Variants in MAGI1 observed in about 807,000 individuals in gnomAD.
MAGI1 encodes the protein membrane associated guanylate kinase, WW and PDZ domain containing 1, also known as membrane-associated guanylate kinase, WW and PDZ domain-containing protein 1.
Under a neutral mutation model 139.9 loss-of-function variants are expected in MAGI1, and 58 were observed. The observed-to-expected ratio is 0.41, with a 90% CI of 0.34 to 0.52. MAGI1 has a LOEUF of 0.52. Among genes scored for constraint, MAGI1 ranks in the 20% least tolerant of loss-of-function variants. The pLI, the probability that MAGI1 is intolerant of heterozygous loss-of-function variation, is 0.12. For missense variants in MAGI1, 1,874 were observed against 1,901.6 expected, an observed-to-expected ratio of 0.99 and a Z score of 0.27; for synonymous variants, 812 against 737.9, an observed-to-expected ratio of 1.10 and a Z score of -1.63.
In MAGI1 at chr3:65,378,683, CT is replaced by C. The variant is rs10557893; in HGVS notation, c.2995+577del. Among the ~76,000 whole-genome samples the C allele has an allele frequency of 8.6e-3, 1,202 of 140,518 alleles. 6 individuals are homozygous for C. The highest frequency in any genetic ancestry group is 0.019 in the African/African-American group (752 of 38,794). 92.2% of individuals were successfully genotyped at this position (140,518 alleles called of 152,430 possible). A position where few individuals can be genotyped will look rare whatever the true frequency, so the allele number is the denominator to read the frequency against. ...AATTTCTTTTCTTTCCTTTCCTTTTCTTTTTTTTTTTTTTTTAAGACAGAGT... is the reference window on the plus strand; with the variant it reads ...AATTTCTTTTCTTTCCTTTCCTTTTCTTTTTTTTTTTTTTTAAGACAGAGT... On this transcript the variant is annotated intron_variant, in intron 17 of 22. Coordinates refer to ENST00000402939, the MANE Select transcript of MAGI1 (RefSeq NM_001033057.2).
chr3:65,384,940 G>C (rs1421271545), intron 14 of MAGI1, among the ~76,000 whole-genome samples: 1 of 151,988 alleles, frequency 6.6e-6, no homozygotes, highest in Non-Finnish European at 1.5e-5. Flanking sequence ...ATTTTATTAG[G>C]ATTTCAATAC....
intron 1 of MAGI1, among the ~76,000 whole-genome samples, chr3:65,888,931 C>T (rs1400882556): frequency 1.1e-4 from 16 of 151,906 alleles, no homozygotes; most frequent in Admixed American, 1.0e-3. Flanking sequence ...TATACAGATG[C>T]CATATATGTG....
chr3:65,935,407 G>A (rs904055019), intron 1 of MAGI1, among the ~76,000 whole-genome samples: 1 of 152,146 alleles, frequency 6.6e-6, no homozygotes, highest in Non-Finnish European at 1.5e-5. Context: ...GCCGAGGTGG[G>A]CAGGAGTTCA....
chr3:65,690,380 C>T (rs2088473497), intron 1 of MAGI1, among the ~76,000 whole-genome samples: 1 of 152,170 alleles, frequency 6.6e-6, no homozygotes, highest in Non-Finnish European at 1.5e-5. Flanking sequence ...CTTTCTGACA[C>T]TTTTAAAGAA....
chr3:65,833,380 A>C (rs1415407710), intron 1 of MAGI1, among the ~76,000 whole-genome samples: 2 of 152,028 alleles, frequency 1.3e-5, no homozygotes, highest in African/African-American at 4.8e-5. Flanking sequence ...CAGCCTCCCA[A>C]AGTGCTGGGA....
rs138938419 is a variant in MAGI1, at chr3:65,650,251, C to A, written c.314-28163G>T. 2.8e-3 allele frequency among the ~76,000 whole-genome samples: 420 copies of A among 152,282 alleles called. 2 individuals are homozygous for A. The highest frequency in any genetic ancestry group is 9.3e-3 in the African/African-American group (388 of 41,560). The stretch of plus-strand genomic sequence containing the variant: ...CTCTGGAACTATGATAAATAAAATT[C>A]TTGTCTTTATAAATTGCCTAGTCTG... On this transcript the variant is annotated intron_variant, in intron 1 of 22. Transcript: ENST00000402939.
chr3:65,977,769 T>C (rs1459942656), intron 1 of MAGI1, among the ~76,000 whole-genome samples: 1 of 151,804 alleles, frequency 6.6e-6, no homozygotes, highest in Non-Finnish European at 1.5e-5. Flanking sequence ...TGAAAGGCCC[T>C]ACAGGCCTCC....
At chr3:65,762,296 G>T (rs1284154136) in intron 1 of MAGI1, among the ~76,000 whole-genome samples, 1 of 152,126 alleles carries the variant, frequency 6.6e-6, no homozygotes, top group East Asian at 1.9e-4. Context: ...TTCCTTCTCA[G>T]ATTTTGAAAG....
At chr3:65,820,890 C>T (rs2041909859) in intron 1 of MAGI1, among the ~76,000 whole-genome samples, 1 of 152,130 alleles carries the variant, frequency 6.6e-6, no homozygotes. Context: ...CTTCTCCTGA[C>T]ACACCAACAA....
chr3:65,591,891 T>G (rs11713812), intron 2 of MAGI1, among the ~76,000 whole-genome samples: 9,210 of 152,244 alleles, frequency 0.06, 343 homozygotes, highest in East Asian at 0.12. Context: ...AGGTCGACCC[T>G]TGACACCTTG....
chr3:65,856,956 A>G (rs1056491703), intron 1 of MAGI1, among the ~76,000 whole-genome samples: 3 of 152,232 alleles, frequency 2.0e-5, no homozygotes, highest in Non-Finnish European at 4.4e-5. Flanking sequence ...GAAACTGTCA[A>G]CTAACCTACC....
chr3:65,563,364 C>T (rs2080459509), intron 2 of MAGI1, among the ~76,000 whole-genome samples: 1 of 152,128 alleles, frequency 6.6e-6, no homozygotes, highest in African/African-American at 2.4e-5. Context: ...ATGATTCTTG[C>T]CCCCAGGTGT....
At chr3:65,870,315 T>C (rs2059894745) in intron 1 of MAGI1, among the ~76,000 whole-genome samples, 1 of 151,948 alleles carries the variant, frequency 6.6e-6, no homozygotes, top group African/African-American at 2.4e-5. Context: ...TTTCATTCAT[T>C]AAGTGAAAGA....
chr3:65,669,945 G>A (rs2086755133), intron 1 of MAGI1, among the ~76,000 whole-genome samples: 3 of 152,078 alleles, frequency 2.0e-5, no homozygotes, highest in African/African-American at 7.2e-5. Context: ...CTGCCACTGT[G>A]GGCTTCATCT....
intron 6 of MAGI1, 64 bp downstream of exon 6, chr3:65,453,194 T>TA (rs1172962951): frequency 6.9e-7 from 1 of 1,456,950 alleles, no homozygotes; most frequent in African/African-American, 1.4e-5. Context: ...TACGACTCTT[T>TA]AAAATTTGCA....
At chr3:65,448,103 A>G (rs1311632880) in intron 6 of MAGI1, 46 bp from the exon 7 acceptor site, 1 of 1,574,954 alleles carries the variant, frequency 6.3e-7, no homozygotes, top group Non-Finnish European at 8.7e-7. Flanking sequence ...GAGAGAAAGC[A>G]AAATTCAGAC....
At chr3:65,619,305 T>C (rs1021492048) in intron 2 of MAGI1, among the ~76,000 whole-genome samples, 17 of 152,212 alleles carry the variant, frequency 1.1e-4, no homozygotes, top group African/African-American at 4.1e-4. Flanking sequence ...AGAATTAAGA[T>C]AAACTGAGCC....
rs148061994 is a variant in MAGI1 at position 65,507,160 on chromosome 3, T to C, written c.431-13529A>G. ...ACTATAGTACTACCTGTGCATGGTC[T>C]TCATAGTATTGAAGAAAACTTACTG... On this transcript the variant is annotated intron_variant, in intron 2 of 22. Coordinates refer to ENST00000402939, the MANE Select transcript of MAGI1 (RefSeq NM_001033057.2). Among the ~76,000 whole-genome samples the C allele has an allele frequency of 5.1e-3, 782 of 152,338 alleles. 6 individuals carry two copies. Among genetic ancestry groups the C allele is most frequent in the African/African-American group, 0.017 (726 of 41,576 alleles).
chr3:66,017,364 G>A (rs572780899), intron 1 of MAGI1, among the ~76,000 whole-genome samples: 6 of 152,330 alleles, frequency 3.9e-5, no homozygotes, highest in African/African-American at 1.4e-4. Context: ...AGGCACCAAC[G>A]TCTCCCTCCC....
Sources: allele counts gnomAD v4.1 joint callset (sites outside exome capture counted in the v4.1 genomes callset), GRCh38; gene constraint gnomAD v4.1.1; transcripts MANE v1.5; gene names NCBI Gene and HGNC (gene_info 2026-07-23, HGNC 2026-07-21).